The following KCNN2 variants were observed in gnomAD, a reference collection of about 807,000 sequenced individuals.
KCNN2 encodes potassium calcium-activated channel subfamily N member 2, also known as small conductance calcium-activated potassium channel protein 2.
In KCNN2, 24 loss-of-function variants were observed where a neutral mutation model predicts 55.5. The ratio of observed to expected loss-of-function variants is 0.43; its 90% confidence interval spans 0.31 to 0.61. The LOEUF is 0.61. Among genes scored for constraint, KCNN2 ranks in the 20% least tolerant of loss-of-function variants. KCNN2 has a pLI of 0.08. For synonymous variants in KCNN2, 431 were observed against 336.1 expected, an observed-to-expected ratio of 1.28 and a Z score of -3.09; for missense variants, 754 against 853.6, an observed-to-expected ratio of 0.88 and a Z score of 1.45.
intron 1 of KCNN2, among the ~76,000 whole-genome samples, chr5:114,218,267 C>T (rs1018012969): frequency 6.6e-6 from 1 of 152,194 alleles, no homozygotes; most frequent in Non-Finnish European, 1.5e-5. Context: ...GTTCTGTTCA[C>T]ACAAAAACCT....
chr5:114,329,542 G>A (rs558526725), intron 2 of KCNN2, among the ~76,000 whole-genome samples: 1 of 152,258 alleles, frequency 6.6e-6, no homozygotes, highest in African/African-American at 2.4e-5. Context: ...ACCAGTGGTT[G>A]GTCAGGGGCT....
At chr5:114,345,258 G>T (rs900039356) in intron 2 of KCNN2, among the ~76,000 whole-genome samples, 1 of 152,162 alleles carries the variant, frequency 6.6e-6, no homozygotes, top group Admixed American at 6.5e-5. Context: ...AAATATACAT[G>T]TGTCAACTTC....
At chr5:114,318,230 A>C (rs1756540223) in intron 2 of KCNN2, among the ~76,000 whole-genome samples, 2 of 152,212 alleles carry the variant, frequency 1.3e-5, no homozygotes, top group Non-Finnish European at 2.9e-5. Flanking sequence ...AGGAAAAGGC[A>C]ATACAGTTTA....
At chr5:114,453,778 GT>G (rs924810043) in intron 3 of KCNN2, among the ~76,000 whole-genome samples, 3 of 151,990 alleles carry the variant, frequency 2.0e-5, no homozygotes, top group African/African-American at 4.8e-5. Flanking sequence ...GTGTTGTATA[GT>G]TGTATTCCAC....
intron 2 of KCNN2, among the ~76,000 whole-genome samples, chr5:114,227,050 C>A (rs1754251773): frequency 6.6e-6 from 1 of 151,932 alleles, no homozygotes; most frequent in South Asian, 2.1e-4. Flanking sequence ...ATTTTCTTGA[C>A]CACTCAGTCC....
chr5:114,217,596 A>G (rs1012751903), intron 1 of KCNN2, among the ~76,000 whole-genome samples: 5 of 152,272 alleles, frequency 3.3e-5, no homozygotes, highest in Admixed American at 2.6e-4. Context: ...GTTTACCTAA[A>G]TTAACTTAAA....
chr5:114,424,037 G>C (rs1424925592), intron 3 of KCNN2, among the ~76,000 whole-genome samples: 3 of 152,184 alleles, frequency 2.0e-5, no homozygotes, highest in Admixed American at 1.3e-4. Flanking sequence ...GGAAAATACG[G>C]AGTCTGGATT....
intron 3 of KCNN2, among the ~76,000 whole-genome samples, chr5:114,432,811 G>A (rs1050866042): frequency 9.9e-5 from 15 of 152,230 alleles, no homozygotes; most frequent in African/African-American, 3.6e-4. Flanking sequence ...GGCAATGAGG[G>A]GCTTAGCACC....
intron 2 of KCNN2, among the ~76,000 whole-genome samples, chr5:114,227,447 C>CT (rs1344883829): frequency 2.0e-5 from 3 of 152,200 alleles, no homozygotes; most frequent in Non-Finnish European, 2.9e-5. Flanking sequence ...CTGTTGTACT[C>CT]TTACTCTTAC....
intron 4 of KCNN2, among the ~76,000 whole-genome samples, chr5:114,465,355 G>A (rs1761392162): frequency 6.6e-6 from 1 of 152,170 alleles, no homozygotes; most frequent in African/African-American, 2.4e-5. Flanking sequence ...TCCCACGCCT[G>A]TAATCCCAAC....
intron 1 of KCNN2, among the ~76,000 whole-genome samples, chr5:114,179,005 T>C (rs527470058): frequency 3.9e-5 from 6 of 152,212 alleles, no homozygotes; most frequent in African/African-American, 1.4e-4. Context: ...TGTAGGCTTT[T>C]TGAGATCCCT....
chr5:114,221,886 C>G (rs1372701465), intron 2 of KCNN2, among the ~76,000 whole-genome samples: 1 of 152,126 alleles, frequency 6.6e-6, no homozygotes, highest in Non-Finnish European at 1.5e-5. Context: ...AGAAAATATG[C>G]TGTAGTTTTA....
chr5:114,348,259 G>T (rs1757148859), intron 2 of KCNN2, among the ~76,000 whole-genome samples: 1 of 134,676 alleles, frequency 7.4e-6, no homozygotes, highest in Non-Finnish European at 1.6e-5. Flanking sequence ...TTAATTAATG[G>T]CCACAAGAAG....
At chr5:114,156,457 A>G (rs1275833557) in intron 1 of KCNN2, among the ~76,000 whole-genome samples, 1 of 152,152 alleles carries the variant, frequency 6.6e-6, no homozygotes, top group Non-Finnish European at 1.5e-5. Context: ...CACTGAATCT[A>G]TAAACTGCTT....
intron 2 of KCNN2, among the ~76,000 whole-genome samples, chr5:114,312,434 CATATAT>C (rs59964515): frequency 8.5e-3 from 196 of 22,972 alleles, no homozygotes; most frequent in South Asian, 0.01. Context: ...CACACACACA[CATATAT>C]ATATATATAT....
chr5:114,288,823 C>G (rs1479667406), intron 2 of KCNN2, among the ~76,000 whole-genome samples: 1 of 151,934 alleles, frequency 6.6e-6, no homozygotes, highest in Non-Finnish European at 1.5e-5. Flanking sequence ...GTCTTTTCAC[C>G]TTCTTAATAA....
intron 2 of KCNN2, among the ~76,000 whole-genome samples, chr5:114,383,943 G>C (rs1212886271): frequency 6.6e-6 from 1 of 152,194 alleles, no homozygotes; most frequent in Non-Finnish European, 1.5e-5. Flanking sequence ...TGTATCATGT[G>C]CCTACTGAGA....
At chr5:114,436,168 C>G (rs1207376203) in intron 3 of KCNN2, among the ~76,000 whole-genome samples, 1 of 152,132 alleles carries the variant, frequency 6.6e-6, no homozygotes, top group East Asian at 1.9e-4. Context: ...GCATGTCTAC[C>G]AGAAATGAGA....
Position 114,440,231 on chromosome 5 carries a change from AAC to A in KCNN2, c.1638-22816_1638-22815del, listed in dbSNP as rs1416400815. 2.0e-5 allele frequency among the ~76,000 whole-genome samples: 3 copies of A among 152,314 alleles called. No individual in the cohort carries two copies. In the East Asian group the frequency reaches 5.8e-4, roughly 29 times the overall value. On this transcript the variant is annotated intron_variant, in intron 3 of 7. Coordinates refer to ENST00000673685, the MANE Select transcript of KCNN2 (RefSeq NM_021614.4). ...TTGCCACAATGATTGCTGATCCTAGAACATCCTAACATAAAAAACTAGAGCTG... is the reference window on the plus strand; with the variant it reads ...TTGCCACAATGATTGCTGATCCTAGAATCCTAACATAAAAAACTAGAGCTG...
Sources: gnomAD v4.1 joint callset for allele counts (sites outside exome capture counted in the v4.1 genomes callset) on GRCh38, gnomAD v4.1.1 for gene constraint, MANE v1.5 for transcripts, NCBI Gene and HGNC (gene_info 2026-07-23, HGNC 2026-07-21) for gene names.